LRP2: variants seen among roughly 807,000 people sequenced by gnomAD.
The protein encoded by LRP2 is low-density lipoprotein receptor-related protein 2.
LRP2 carries 172 observed loss-of-function variants against 531.0 expected under a neutral mutation model. The observed-to-expected ratio is 0.32, with a 90% confidence interval of 0.29 to 0.37. The LOEUF is 0.37. LRP2 is among the 10% of genes least tolerant of loss of function. LRP2 has a pLI of 1.00. For missense variants in LRP2, 5,167 were observed against 5,868.3 expected, an observed-to-expected ratio of 0.88 and a Z score of 3.90; for synonymous variants, 1,992 against 2,027.6, an observed-to-expected ratio of 0.98 and a Z score of 0.47.
At chr2:169,154,973 G>A (rs1214930396) in intron 65 of LRP2, among the ~76,000 whole-genome samples, 1 of 152,154 alleles carries the variant, frequency 6.6e-6, no homozygotes, top group African/African-American at 2.4e-5. Context: ...CTATCTCACA[G>A]AAGAAATACT....
Position 169,195,424 on chromosome 2 carries a change from A to T in LRP2, c.8698+1487T>A, listed in dbSNP as rs182114256. Among the ~76,000 whole-genome samples the T allele has an allele frequency of 2.0e-5, 3 of 152,332 alleles. No individual in the cohort carries two copies. In the East Asian group the frequency reaches 5.8e-4, roughly 29 times the overall value. ...AACCTTTTAATAGTGATTACCTTTGAGGAGTGAGGGGATTGGAGAAGGATG... is the reference window on the plus strand; with the variant it reads ...AACCTTTTAATAGTGATTACCTTTGTGGAGTGAGGGGATTGGAGAAGGATG... On this transcript the variant is annotated intron_variant, in intron 46 of 78. Coordinates refer to ENST00000649046, the MANE Select transcript of LRP2 (RefSeq NM_004525.3).
Position 169,235,365 on chromosome 2 carries a change from G to A in LRP2, c.4920+475C>T, listed in dbSNP as rs575695461. On this transcript the variant is annotated intron_variant, in intron 29 of 78. Coordinates refer to ENST00000649046, the MANE Select transcript of LRP2 (RefSeq NM_004525.3). Reference sequence around the variant, plus strand: ...AGCAATTTTCCTGTCTCAGCTTCCCGAATAGCTGAGACTATAGGTGTGTGC... The same window carrying A: ...AGCAATTTTCCTGTCTCAGCTTCCCAAATAGCTGAGACTATAGGTGTGTGC... 2.5e-3 allele frequency among the ~76,000 whole-genome samples: 381 copies of A among 151,578 alleles called. 1 individual carries two copies. The highest frequency in any genetic ancestry group is 8.6e-3 in the African/African-American group (356 of 41,284).
chr2:169,309,062 A>G (rs962165493), intron 3 of LRP2, among the ~76,000 whole-genome samples: 4 of 151,798 alleles, frequency 2.6e-5, no homozygotes, highest in Admixed American at 6.6e-5. Flanking sequence ...CCACTTTTTG[A>G]TGGGGTTGTT....
At chr2:169,312,029 C>A (rs1204895658) in intron 3 of LRP2, among the ~76,000 whole-genome samples, 1 of 151,974 alleles carries the variant, frequency 6.6e-6, no homozygotes, top group Admixed American at 6.6e-5. Context: ...CAACCCCTGC[C>A]TTTTTTTGTG....
intron 1 of LRP2, among the ~76,000 whole-genome samples, chr2:169,342,701 A>G (rs546998725): frequency 4.6e-5 from 7 of 152,162 alleles, no homozygotes; most frequent in African/African-American, 1.7e-4. Context: ...TGTGCTCCCA[A>G]ACTTCTATTA....
chr2:169,283,487 T>A (rs1683761520), intron 9 of LRP2, among the ~76,000 whole-genome samples: 1 of 152,216 alleles, frequency 6.6e-6, no homozygotes, highest in African/African-American at 2.4e-5. Context: ...GGTTACAATA[T>A]GACAGAGTGA....
At chr2:169,189,214 G>A (rs1687746495) in intron 48 of LRP2, among the ~76,000 whole-genome samples, 1 of 152,132 alleles carries the variant, frequency 6.6e-6, no homozygotes, top group Non-Finnish European at 1.5e-5. Flanking sequence ...GCATAGGAGC[G>A]GCACATAGAG....
rs146647184 is a variant in LRP2 at position 169,310,184 on chromosome 2, C to T, written c.311-2787G>A. Among the ~76,000 whole-genome samples the T allele has an allele frequency of 9.6e-3, 1,457 of 152,318 alleles. 27 individuals are homozygous for T. Among genetic ancestry groups the T allele is most frequent in the African/African-American group, 0.033 (1,370 of 41,556 alleles). On this transcript the variant is annotated intron_variant, in intron 3 of 78. Coordinates refer to ENST00000649046, the MANE Select transcript of LRP2 (RefSeq NM_004525.3). ...TCATCTGCAAACGGGGACAATTTGACTTCCTCTTTTCCTAATTGGATACCC... is the reference window on the plus strand; with the variant it reads ...TCATCTGCAAACGGGGACAATTTGATTTCCTCTTTTCCTAATTGGATACCC...
chr2:169,274,512 C>T (rs540337323), intron 14 of LRP2, among the ~76,000 whole-genome samples: 2 of 152,020 alleles, frequency 1.3e-5, no homozygotes, highest in Non-Finnish European at 2.9e-5. Context: ...AAATAAGTGA[C>T]CAGCCAGAGA....
intron 78 of LRP2, 70 bp downstream of exon 78, chr2:169,128,943 T>C (rs896493624): frequency 2.6e-6 from 4 of 1,536,464 alleles, no homozygotes; most frequent in Admixed American, 1.7e-5. Context: ...TCTAAGTGTG[T>C]GTCCAATTTA....
At position 169,165,938 on chromosome 2, in the gene LRP2, C is replaced by T. The variant is rs1281493439; in HGVS notation, c.11752G>A (p.Glu3918Lys). The change falls in exon 62 of 79, where the codon GAG (glutamate) becomes AAG (lysine). Residue 3918 changes from glutamate to lysine, a missense_variant. This residue lies in a region of LRP2 where 564 missense variants were observed against 747.7 expected (regional missense o/e 0.75). Coordinates refer to ENST00000649046, the MANE Select transcript of LRP2 (RefSeq NM_004525.3). ...DCGDGTDETE[E>K]HCRKPTPKPC... ...CCTTTTGACTTTTGCTTACAGTGCT[C>T]CTCTGTCTCATCAGTTCCATCTCCA... 2.5e-6 allele frequency: 4 copies of T among 1,614,034 alleles called. No individual in the cohort carries two copies. Among genetic ancestry groups the T allele is most frequent in the Non-Finnish European group, 3.4e-6 (4 of 1,179,920 alleles).
chr2:169,188,578 A>G (rs910755967), intron 48 of LRP2, among the ~76,000 whole-genome samples: 3 of 152,192 alleles, frequency 2.0e-5, no homozygotes, highest in African/African-American at 7.2e-5. Flanking sequence ...TATTAAAAAT[A>G]ATTGCATTCA....
intron 1 of LRP2, among the ~76,000 whole-genome samples, chr2:169,329,492 G>C (rs1052970389): frequency 2.6e-5 from 4 of 152,220 alleles, no homozygotes; most frequent in Non-Finnish European, 5.9e-5. Context: ...TGAGAAGATG[G>C]AGAAAAAGAG....
intron 40 of LRP2, 68 bp from the exon 41 acceptor site, chr2:169,205,705 AGG>A: frequency 1.5e-5 from 20 of 1,349,770 alleles, no homozygotes; most frequent in Non-Finnish European, 1.8e-5. Context: ...AAAAAAAAAA[AGG>A]ACAATATTCT....
chr2:169,206,456 T>A lies in LRP2; in HGVS notation c.7264A>T (p.Met2422Leu), dbSNP rs1688391244. The A allele has an allele frequency of 2.5e-6, 4 of 1,614,198 alleles. No homozygotes were observed. The highest frequency in any genetic ancestry group is 3.4e-6 in the Non-Finnish European group (4 of 1,180,024). The change falls in exon 39 of 79, where the codon ATG becomes TTG. Residue 2422 changes from methionine (M) to leucine (L), a missense_variant. Physicochemically the swap from Met to Leu is conservative, Grantham distance 15. Coordinates refer to ENST00000649046, the MANE Select transcript of LRP2 (RefSeq NM_004525.3). The stretch of plus-strand genomic sequence containing the variant: ...CTTACACTGTCATAGTCTAGAGACA[T>A]GACAGTTCTTTCCACATTTATTGTT... Reference protein sequence around the residue: ...FQTINVERTVMSLDYDSVSDR... With the variant: ...FQTINVERTVLSLDYDSVSDR...
At chr2:169,208,474 C>T (rs899569185) in intron 38 of LRP2, among the ~76,000 whole-genome samples, 1 of 151,272 alleles carries the variant, frequency 6.6e-6, no homozygotes, top group Non-Finnish European at 1.5e-5. Context: ...TTTTTTAATT[C>T]GAGACAGAGT....
chr2:169,268,031 A>G (rs1160136547), intron 16 of LRP2, among the ~76,000 whole-genome samples: 1 of 152,224 alleles, frequency 6.6e-6, no homozygotes, highest in Non-Finnish European at 1.5e-5. Flanking sequence ...TCCTGGACAC[A>G]TACACCCTCC....
chr2:169,259,743 AAC>A (rs1221903197), intron 16 of LRP2, among the ~76,000 whole-genome samples: 32 of 50,196 alleles, frequency 6.4e-4, no homozygotes, highest in East Asian at 4.8e-3. Context: ...AAACAACAAC[AAC>A]AAAAAAAAAA....
At chr2:169,257,017 G>A (rs1690329576) in intron 18 of LRP2, 107 bp downstream of exon 18, 1 of 1,273,508 alleles carries the variant, frequency 7.9e-7, no homozygotes, top group Admixed American at 1.7e-5. Flanking sequence ...AATTCCGCGA[G>A]GGCAAGCAGT....
Sources: allele counts gnomAD v4.1 joint callset (sites outside exome capture counted in the v4.1 genomes callset), GRCh38; gene constraint gnomAD v4.1.1; regional missense constraint gnomAD v4.1.1; transcripts MANE v1.5; gene names NCBI Gene and HGNC (gene_info 2026-07-23, HGNC 2026-07-21).